The following NRG3 variants were observed in gnomAD, a reference collection of about 807,000 sequenced individuals.
NRG3 encodes pro-neuregulin-3, membrane-bound isoform.
NRG3 carries 31 observed loss-of-function variants against 66.9 expected under a neutral mutation model. The ratio of observed to expected loss-of-function variants is 0.46; its 90% confidence interval spans 0.35 to 0.63. The LOEUF (loss-of-function observed/expected upper bound fraction) is 0.63. Among genes scored for constraint, NRG3 ranks in the 20% least tolerant of loss-of-function variants. NRG3 has a pLI of 0.00. For missense variants in NRG3, 910 were observed against 878.9 expected (o/e 1.04, Z -0.45); for synonymous variants, 393 against 359.4 (o/e 1.09, Z -1.06).
Position 82,890,895 on chromosome 10 carries a change from A to G in NRG3, c.1054+25458A>G, listed in dbSNP as rs141148839. On this transcript the variant is annotated intron_variant, in intron 4 of 8. Coordinates refer to ENST00000372141, the MANE Select transcript of NRG3 (RefSeq NM_001010848.4). The stretch of plus-strand genomic sequence containing the variant: ...GTCTCCCCTAAATGAGAATTTGGAC[A>G]ATTTTCGTCTTTATTTGACATTTGG... Among the ~76,000 whole-genome samples the G allele has an allele frequency of 8.4e-3, 1,271 of 152,206 alleles. 9 individuals are homozygous for G. Among genetic ancestry groups the G allele is most frequent in the Non-Finnish European group, 0.011 (772 of 67,982 alleles).
intron 1 of NRG3, among the ~76,000 whole-genome samples, chr10:82,088,124 C>T (rs1427033170): frequency 1.3e-5 from 2 of 152,128 alleles, no homozygotes; most frequent in Admixed American, 6.5e-5. Flanking sequence ...TAGAGAAAGA[C>T]GATTCCCTAC....
intron 2 of NRG3, among the ~76,000 whole-genome samples, chr10:82,589,610 G>C (rs1310543689): frequency 6.6e-6 from 1 of 152,008 alleles, no homozygotes; most frequent in African/African-American, 2.4e-5. Context: ...ACCCCTCGGA[G>C]TCTAAAAAAA....
chr10:82,634,930 C>G (rs1265039998), intron 2 of NRG3, among the ~76,000 whole-genome samples: 1 of 152,150 alleles, frequency 6.6e-6, no homozygotes, highest in Non-Finnish European at 1.5e-5. Flanking sequence ...AAAAGGAAGA[C>G]AGTTGTGACC....
rs541884843 is a variant in NRG3, at chr10:82,902,421, A to C, written c.1054+36984A>C. Among the ~76,000 whole-genome samples the C allele has an allele frequency of 1.3e-4, 20 of 152,272 alleles. No individual in the cohort carries two copies. In the South Asian group the frequency reaches 4.1e-3, roughly 32 times the overall value. On this transcript the variant is annotated intron_variant, in intron 4 of 8. Transcript: ENST00000372141. The stretch of plus-strand genomic sequence containing the variant: ...ATATTTAACATTCTATATTAAAGAA[A>C]GACGTAATAGTCAAGGGGTCTTTTG...
chr10:82,019,872 T>A (rs1159044238), intron 1 of NRG3, among the ~76,000 whole-genome samples: 3 of 152,152 alleles, frequency 2.0e-5, no homozygotes, highest in Non-Finnish European at 4.4e-5. Context: ...ATTTTGTTGA[T>A]CTTTTCAAAA....
At chr10:82,732,940 T>C (rs1202188493) in intron 2 of NRG3, among the ~76,000 whole-genome samples, 2 of 152,220 alleles carry the variant, frequency 1.3e-5, no homozygotes, top group East Asian at 3.9e-4. Context: ...CAGCATTTAA[T>C]AGCCCTGTTA....
chr10:82,149,010 T>A (rs1356541355), intron 1 of NRG3, among the ~76,000 whole-genome samples: 2 of 152,042 alleles, frequency 1.3e-5, no homozygotes, highest in Non-Finnish European at 2.9e-5. Context: ...CGGAATCAAC[T>A]GAGGAATGCA....
chr10:82,763,749 T>C (rs993533135), intron 3 of NRG3, among the ~76,000 whole-genome samples: 1 of 152,144 alleles, frequency 6.6e-6, no homozygotes, highest in African/African-American at 2.4e-5. Flanking sequence ...ATGGTGGCCA[T>C]TGGTCATATG....
intron 2 of NRG3, among the ~76,000 whole-genome samples, chr10:82,561,903 T>C (rs965006297): frequency 1.3e-4 from 20 of 152,190 alleles, no homozygotes; most frequent in African/African-American, 4.6e-4. Flanking sequence ...TGAACTTCAA[T>C]ATGAGGGCAA....
chr10:82,484,935 C>G (rs1842561275), intron 2 of NRG3, among the ~76,000 whole-genome samples: 1 of 152,172 alleles, frequency 6.6e-6, no homozygotes, highest in Non-Finnish European at 1.5e-5. Flanking sequence ...CCAGAATACT[C>G]ACTACTAGTG....
chr10:81,981,465 G>A (rs973935383), intron 1 of NRG3, among the ~76,000 whole-genome samples: 47 of 152,298 alleles, frequency 3.1e-4, no homozygotes, highest in African/African-American at 9.6e-4. Context: ...TGGGGTGGTG[G>A]CTCTGCTTTG....
chr10:82,632,188 A>G (rs918655480), intron 2 of NRG3, among the ~76,000 whole-genome samples: 2 of 152,158 alleles, frequency 1.3e-5, no homozygotes, highest in Non-Finnish European at 2.9e-5. Flanking sequence ...TAACCCATTT[A>G]CTTCATCATT....
At position 82,463,076 on chromosome 10, in the gene NRG3, T is replaced by C. The variant is rs192828918; in HGVS notation, c.953+104208T>C. Reference sequence around the variant, plus strand: ...CCAGGCGTTCCTGGCCTCCTTAGGATTGGATGTATCCAGAAACTGACTAGT... The same window carrying C: ...CCAGGCGTTCCTGGCCTCCTTAGGACTGGATGTATCCAGAAACTGACTAGT... On this transcript the variant is annotated intron_variant, in intron 2 of 8. Transcript: ENST00000372141. 2.8e-3 allele frequency among the ~76,000 whole-genome samples: 426 copies of C among 152,280 alleles called. 7 individuals are homozygous for C. Among genetic ancestry groups the C allele is most frequent in the South Asian group, 0.028 (133 of 4,824 alleles).
chr10:82,386,524 A>G (rs1454491963), intron 2 of NRG3, among the ~76,000 whole-genome samples: 1 of 152,192 alleles, frequency 6.6e-6, no homozygotes, highest in Non-Finnish European at 1.5e-5. Context: ...CTTCATAGAA[A>G]CATTTTCAAC....
chr10:82,255,109 T>C (rs1370776995), intron 1 of NRG3, among the ~76,000 whole-genome samples: 4 of 152,212 alleles, frequency 2.6e-5, no homozygotes, highest in Admixed American at 2.6e-4. Flanking sequence ...GTACCTTTGA[T>C]AGGACATGAT....
chr10:82,577,049 T>C (rs1273257809), intron 2 of NRG3, among the ~76,000 whole-genome samples: 1 of 151,852 alleles, frequency 6.6e-6, no homozygotes, highest in Non-Finnish European at 1.5e-5. Context: ...CTCTAATTTC[T>C]ACTTTTTTTG....
intron 3 of NRG3, among the ~76,000 whole-genome samples, chr10:82,768,483 G>A (rs536263696): frequency 3.6e-4 from 55 of 152,194 alleles, no homozygotes; most frequent in African/African-American, 1.3e-3. Flanking sequence ...GAAAATAGAT[G>A]CATGTGGTTA....
At chr10:82,480,987 C>G (rs1250430818) in intron 2 of NRG3, among the ~76,000 whole-genome samples, 1 of 152,216 alleles carries the variant, frequency 6.6e-6, no homozygotes, top group Non-Finnish European at 1.5e-5. Flanking sequence ...CCCTTCTACT[C>G]TCTTACTATC....
rs1002596752 is a variant in NRG3 at position 82,784,066 on chromosome 10, G to T, written c.1027+45416G>T. On this transcript the variant is annotated intron_variant, in intron 3 of 8. Transcript: ENST00000372141. Reference sequence around the variant, plus strand: ...AGAAATAATGCTGCGTATCTACAACGATCTGATCTTTGACAAACCTGAGAA... The same window carrying T: ...AGAAATAATGCTGCGTATCTACAACTATCTGATCTTTGACAAACCTGAGAA... Among the ~76,000 whole-genome samples, 1,465 of 151,692 alleles carry T rather than the reference G, an allele frequency of 9.7e-3. 26 individuals are homozygous for T. The highest frequency in any genetic ancestry group is 0.034 in the African/African-American group (1,389 of 41,180).
Sources: gnomAD v4.1 joint callset for allele counts (sites outside exome capture counted in the v4.1 genomes callset) on GRCh38, gnomAD v4.1.1 for gene constraint, MANE v1.5 for transcripts, NCBI Gene and HGNC (gene_info 2026-07-23, HGNC 2026-07-21) for gene names.